PCDHGA7: variants seen among roughly 807,000 people sequenced by gnomAD.
PCDHGA7 encodes protocadherin gamma subfamily A, 7.
Under a neutral mutation model 58.3 loss-of-function variants are expected in PCDHGA7, and 44 were observed. The observed-to-expected ratio is 0.75, with a 90% CI of 0.59 to 0.97. PCDHGA7 has a LOEUF of 0.97. PCDHGA7 is among the 50% of genes least tolerant of loss of function. PCDHGA7 has a pLI of 0.00. For synonymous variants in PCDHGA7, 516 were observed against 504.2 expected, an observed-to-expected ratio of 1.02 and a Z score of -0.31; for missense variants, 1,266 against 1,188.7, an observed-to-expected ratio of 1.06 and a Z score of -0.96.
At position 141,383,612 on chromosome 5, in the gene PCDHGA7, A is replaced by C. The variant is rs1387363746; in HGVS notation, c.713A>C (p.His238Pro). ...GTGACAGTGGTGGATGTGAATGACC[A>C]CACGCCTGTCTTCTCTCTGCCTCAG... ...IQVTVVDVND[H>P]TPVFSLPQYQ... The change falls in exon 1 of 4, where the codon CAC (histidine) becomes CCC (proline). Residue 238 changes from histidine (H) to proline (P), a missense_variant. Coordinates refer to ENST00000518325, the MANE Select transcript of PCDHGA7 (RefSeq NM_018920.4). The C allele has an allele frequency of 6.2e-7, 1 of 1,613,690 alleles. No individual in the cohort carries two copies. Among genetic ancestry groups the C allele is most frequent in the East Asian group, 2.2e-5 (1 of 44,888 alleles).
At chr5:141,420,311 T>C (rs762191274) in intron 1 of PCDHGA7, 102 of 1,454,698 alleles carry the variant, frequency 7.0e-5, no homozygotes, top group Non-Finnish European at 9.3e-5. Flanking sequence ...CTTTTTATAT[T>C]ACAATATGCC....
chr5:141,403,697 G>A (rs1230785832), intron 1 of PCDHGA7: 5 of 1,613,830 alleles, frequency 3.1e-6, no homozygotes, highest in Admixed American at 1.7e-5. Context: ...GATTTACCGA[G>A]TTAAAGTCCT....
At chr5:141,405,369 T>C in intron 1 of PCDHGA7, 3 of 1,606,526 alleles carry the variant, frequency 1.9e-6, no homozygotes, top group Non-Finnish European at 2.5e-6. Context: ...GACACCCCTT[T>C]GGTTCCGGTG....
At chr5:141,393,735 G>C (rs1478004701) in intron 1 of PCDHGA7, 3 of 1,613,740 alleles carry the variant, frequency 1.9e-6, no homozygotes, top group Non-Finnish European at 1.7e-6. Context: ...AAAAAGTCTA[G>C]ATTATGAAGA....
chr5:141,404,787 G>A (rs1561696267), intron 1 of PCDHGA7: 23 of 1,613,988 alleles, frequency 1.4e-5, no homozygotes, highest in Non-Finnish European at 1.9e-5. Context: ...TTCAAGGCCA[G>A]TGAGCCAGGG....
intron 1 of PCDHGA7, chr5:141,404,086 G>A: frequency 6.2e-7 from 1 of 1,613,630 alleles, no homozygotes; most frequent in Non-Finnish European, 8.5e-7. Flanking sequence ...ACTCCGGGAA[G>A]AATGGTCAAG....
Position 141,395,542 on chromosome 5 carries a change from TTGTGTGTGTGTG to T in PCDHGA7, c.2424+10257_2424+10268del, listed in dbSNP as rs55729045. ...TCCATACTGGTAATTTTGCTATTGT[TTGTGTGTGTGTG>T]TGTGTGTGTGTGTGTGTGTGTGTGT... is the stretch of plus-strand genomic sequence containing the variant. On this transcript the variant is annotated intron_variant, in intron 1 of 3. Coordinates refer to ENST00000518325, the MANE Select transcript of PCDHGA7 (RefSeq NM_018920.4). 188 of 172,586 alleles carry T rather than the reference TTGTGTGTGTGTG, an allele frequency of 1.1e-3. 1 individual carries two copies. Among genetic ancestry groups the T allele is most frequent in the African/African-American group, 5.0e-3 (88 of 17,544 alleles). 10.7% of individuals were successfully genotyped at this position (172,586 alleles called of 1,614,324 possible).
intron 3 of PCDHGA7, among the ~76,000 whole-genome samples, chr5:141,506,349 T>A (rs894933059): frequency 8.0e-5 from 12 of 150,304 alleles, no homozygotes; most frequent in Admixed American, 2.7e-4. Context: ...CTTGGGAGGC[T>A]GAGGCAGGAG....
intron 1 of PCDHGA7, chr5:141,393,417 A>G (rs2092754726): frequency 6.2e-6 from 10 of 1,614,032 alleles, no homozygotes; most frequent in Non-Finnish European, 8.5e-6. Flanking sequence ...CGCCCTGGAC[A>G]GGGAGGAAGA....
chr5:141,385,404 G>C, intron 1 of PCDHGA7, 81 bp downstream of exon 1: 1 of 1,482,648 alleles, frequency 6.7e-7, no homozygotes, highest in Non-Finnish European at 8.9e-7. Context: ...CAAATGTTTT[G>C]AAAATAGGGA....
intron 2 of PCDHGA7, 22 bp from the exon 3 acceptor site, chr5:141,505,371 C>G: frequency 1.2e-6 from 2 of 1,613,980 alleles, no homozygotes; most frequent in Non-Finnish European, 1.7e-6. Context: ...AGTCTGTGCT[C>G]ACCATCCTAC....
In PCDHGA7 at chr5:141,418,449, A is replaced by G. The variant is rs781224972; in HGVS notation, c.2424+33126A>G. ...GGCAAATATCCAGAATTAGTATTGC[A>G]GAAGACTCTGGACCGAGAAACGCAG... On this transcript the variant is annotated intron_variant, in intron 1 of 3. Coordinates refer to ENST00000518325, the MANE Select transcript of PCDHGA7 (RefSeq NM_018920.4). 8.1e-6 allele frequency: 13 copies of G among 1,613,922 alleles called. No homozygotes were observed. The Admixed American group carries it at 1.2e-4, about 14-fold the overall frequency.
Position 141,414,535 on chromosome 5 carries a change from C to T in PCDHGA7, c.2424+29212C>T, listed in dbSNP as rs2095756820. The T allele has an allele frequency of 6.2e-7, 1 of 1,613,962 alleles. No individual in the cohort carries two copies. On this transcript the variant is annotated intron_variant, in intron 1 of 3. Coordinates refer to ENST00000518325, the MANE Select transcript of PCDHGA7 (RefSeq NM_018920.4). The stretch of plus-strand genomic sequence containing the variant: ...AGTGGCAGATATCAATGACAACCCA[C>T]CTACCTTCTCTCAAGTCTCCTACTT...
At chr5:141,501,540 A>G (rs151047391) in intron 2 of PCDHGA7, among the ~76,000 whole-genome samples, 2 of 152,138 alleles carry the variant, frequency 1.3e-5, no homozygotes, top group East Asian at 3.9e-4. Flanking sequence ...GTTGTTGTGC[A>G]TAAGATCATA....
chr5:141,453,752 T>C (rs1404363977), intron 1 of PCDHGA7, among the ~76,000 whole-genome samples: 10 of 152,364 alleles, frequency 6.6e-5, no homozygotes, highest in Admixed American at 5.9e-4. Flanking sequence ...AACATAAGTC[T>C]CCTAAAAATA....
Position 141,491,611 on chromosome 5 carries a change from A to G in PCDHGA7, c.2425-3196A>G. The G allele has an allele frequency of 6.2e-7, 1 of 1,613,866 alleles. No individual in the cohort carries two copies. The highest frequency in any genetic ancestry group is 8.5e-7 in the Non-Finnish European group (1 of 1,180,018). Reference sequence around the variant, plus strand: ...GGACGGCAGTGACTTCACTTTTCTAAGACCCCTCAGCGTTCAGCAGCCCAC... The same window carrying G: ...GGACGGCAGTGACTTCACTTTTCTAGGACCCCTCAGCGTTCAGCAGCCCAC... On this transcript the variant is annotated intron_variant, in intron 1 of 3. Transcript: ENST00000518325. This position sits in a 1 kb window ranked among gnomAD's most constrained non-coding sequence, Gnocchi z 6.9.
chr5:141,476,061 C>T lies in PCDHGA7; in HGVS notation c.2425-18746C>T. On this transcript the variant is annotated intron_variant, in intron 1 of 3. Coordinates refer to ENST00000518325, the MANE Select transcript of PCDHGA7 (RefSeq NM_018920.4). The surrounding 1 kb of genome is among the most constrained non-coding windows in gnomAD (Gnocchi z 7.6). Reference sequence around the variant, plus strand: ...AAGCGCTAACCCGCTGAAAGTTTCTCAGCGAAATCTCAGGGACGATCTGGA... The same window carrying T: ...AAGCGCTAACCCGCTGAAAGTTTCTTAGCGAAATCTCAGGGACGATCTGGA... The T allele has an allele frequency of 6.6e-7, 1 of 1,508,880 alleles. No homozygotes were observed. Among genetic ancestry groups the T allele is most frequent in the Non-Finnish European group, 8.8e-7 (1 of 1,136,354 alleles). 93.5% of individuals were successfully genotyped at this position (1,508,880 alleles called of 1,614,324 possible).
intron 1 of PCDHGA7, chr5:141,389,471 A>C: frequency 6.2e-7 from 1 of 1,613,210 alleles, no homozygotes; most frequent in Non-Finnish European, 8.5e-7. Context: ...TCGAACTCAC[A>C]CTGCAGGCCC....
In PCDHGA7 at chr5:141,502,866, C is replaced by CTTTTTTTTTTTT. The variant is rs549047197; in HGVS notation, c.2484-2524_2484-2513dup. 2.4e-4 allele frequency among the ~76,000 whole-genome samples: 31 copies of CTTTTTTTTTTTT among 128,008 alleles called. 3 individuals are homozygous for CTTTTTTTTTTTT. Among genetic ancestry groups the CTTTTTTTTTTTT allele is most frequent in the African/African-American group, 3.4e-4 (11 of 32,350 alleles). 84.0% of individuals were successfully genotyped at this position (128,008 alleles called of 152,430 possible). ...GAGCTGCCTAACCCTGACTCTCTGT[C>CTTTTTTTTTTTT]TTTTTTTTTTTTTTGACAGGGAGTC... is the stretch of plus-strand genomic sequence containing the variant. On this transcript the variant is annotated intron_variant, in intron 2 of 3. Transcript: ENST00000518325.
Sources: gnomAD v4.1 joint callset for allele counts (sites outside exome capture counted in the v4.1 genomes callset) on GRCh38, gnomAD v4.1.1 for gene constraint, Gnocchi (gnomAD v3.1) non-coding constraint, MANE v1.5 for transcripts, NCBI Gene and HGNC (gene_info 2026-07-23, HGNC 2026-07-21) for gene names.